The following ACTR3C variants were observed in gnomAD, a reference collection of about 807,000 sequenced individuals.
ACTR3C encodes actin-related protein 3C.
In ACTR3C, 18 loss-of-function variants were observed where a neutral mutation model predicts 26.3. The observed-to-expected ratio is 0.68, with a 90% CI of 0.47 to 1.01. The LOEUF (loss-of-function observed/expected upper bound fraction) is 1.01. Ranked by LOEUF, ACTR3C falls within the 50% of genes least tolerant of loss-of-function variation. The probability of loss-of-function intolerance (pLI) is 0.00; values close to 1 mark genes in which losing one functional copy is unlikely to be tolerated. For synonymous variants in ACTR3C, 55 were observed against 94.5 expected (o/e 0.58, Z 2.42); for missense variants, 184 against 250.7 (o/e 0.73, Z 1.80).
At chr7:150,158,372 C>A in the ACTR3C span, among the ~76,000 whole-genome samples, 18 of 152,026 alleles carry the variant, frequency 1.2e-4, no homozygotes, top group African/African-American at 4.4e-4. Flanking sequence ...AAAATGAAAT[C>A]ATTATCTCAA....
the ACTR3C span, among the ~76,000 whole-genome samples, chr7:149,945,136 G>T: frequency 6.6e-6 from 1 of 152,032 alleles, no homozygotes; most frequent in African/African-American, 2.4e-5. Flanking sequence ...GGAGCATGAT[G>T]TTAATAGGAG....
the ACTR3C span, among the ~76,000 whole-genome samples, chr7:150,199,093 G>A: frequency 6.8e-6 from 1 of 148,016 alleles, no homozygotes; most frequent in Non-Finnish European, 1.5e-5. Context: ...CCGCCCCCCC[G>A]TCTGGGAGGT....
chr7:150,312,588 C>T (rs1473185631), intron 1 of ACTR3C, among the ~76,000 whole-genome samples: 2 of 152,110 alleles, frequency 1.3e-5, no homozygotes, highest in Non-Finnish European at 2.9e-5. Flanking sequence ...ATTCCAAACT[C>T]AAAAATATGC....
the ACTR3C span, among the ~76,000 whole-genome samples, chr7:150,150,664 A>T: frequency 1.4e-5 from 2 of 139,008 alleles, 1 homozygote; most frequent in Non-Finnish European, 3.2e-5. Flanking sequence ...GTGTCGTATA[A>T]ACATAGTTCC....
At chr7:150,044,555 G>C in the ACTR3C span, among the ~76,000 whole-genome samples, 1 of 152,190 alleles carries the variant, frequency 6.6e-6, no homozygotes, top group Admixed American at 6.5e-5. Context: ...TGCCTGTGTA[G>C]TTTGTGCATT....
the ACTR3C span, chr7:150,004,561 A>C: frequency 1.3e-5 from 2 of 152,188 alleles, no homozygotes; most frequent in Non-Finnish European, 2.9e-5. Flanking sequence ...ATATAGTCCG[A>C]AAAAATCGCC....
chr7:150,284,676 A>C, intron 6 of ACTR3C, 77 bp downstream of exon 6: 1 of 1,198,532 alleles, frequency 8.3e-7, no homozygotes, highest in Non-Finnish European at 1.1e-6. Flanking sequence ...AGTAATAGAC[A>C]GTAATACCGT....
At chr7:150,099,732 C>T in the ACTR3C span, among the ~76,000 whole-genome samples, 3 of 151,528 alleles carry the variant, frequency 2.0e-5, no homozygotes, top group Admixed American at 6.6e-5. Context: ...TTATCCTCGC[C>T]CTTAGGGTGG....
At chr7:150,078,601 G>C in the ACTR3C span, among the ~76,000 whole-genome samples, 2 of 151,526 alleles carry the variant, frequency 1.3e-5, no homozygotes, top group African/African-American at 4.9e-5. Context: ...CCCATTGAGA[G>C]GGGGAGTTGA....
intron 6 of ACTR3C, among the ~76,000 whole-genome samples, chr7:150,267,705 T>A (rs1401527832): frequency 6.6e-6 from 1 of 152,200 alleles, no homozygotes; most frequent in Non-Finnish European, 1.5e-5. Context: ...ACAGAGGGTG[T>A]GGTACCATCT....
chr7:149,986,416 C>A, the ACTR3C span, among the ~76,000 whole-genome samples: 15 of 152,204 alleles, frequency 9.9e-5, no homozygotes, highest in African/African-American at 2.9e-4. Context: ...TGTGTATTCA[C>A]CGCGAGGTAA....
the ACTR3C span, among the ~76,000 whole-genome samples, chr7:150,055,763 T>G: frequency 9.9e-5 from 15 of 152,284 alleles, no homozygotes; most frequent in African/African-American, 3.4e-4. Context: ...CCAGAACATA[T>G]GCAGTTTGGC....
the ACTR3C span, among the ~76,000 whole-genome samples, chr7:150,203,871 C>A: frequency 2.6e-5 from 4 of 152,084 alleles, no homozygotes; most frequent in African/African-American, 9.7e-5. Context: ...CACACCCGGC[C>A]CGGGCACCAA....
chr7:150,280,362 C>G (rs1281508234), intron 6 of ACTR3C, among the ~76,000 whole-genome samples: 1 of 152,112 alleles, frequency 6.6e-6, no homozygotes, highest in African/African-American at 2.4e-5. Context: ...GTGTAAATAC[C>G]CTTCTCATCT....
At chr7:150,258,642 T>C (rs1833407443) in intron 6 of ACTR3C, among the ~76,000 whole-genome samples, 1 of 152,324 alleles carries the variant, frequency 6.6e-6, no homozygotes, top group South Asian at 2.1e-4. Flanking sequence ...ACTGTCATCA[T>C]GGAGAAAGGC....
rs1188365218 is a variant in ACTR3C, at chr7:150,274,869, A to G, written c.564+9884T>C. 1.3e-5 allele frequency among the ~76,000 whole-genome samples: 2 copies of G among 152,248 alleles called. No individual in the cohort carries two copies. Among genetic ancestry groups the G allele is most frequent in the African/African-American group, 4.8e-5 (2 of 41,472 alleles). On this transcript the variant is annotated intron_variant, in intron 6 of 7. Coordinates refer to ENST00000683684, the MANE Select transcript of ACTR3C (RefSeq NM_001164458.2). This position sits in a 1 kb window ranked among gnomAD's most constrained non-coding sequence, Gnocchi z 4.1. ...AGTGATCCCTTATCACTTTTGATAC[A>G]GTGTGAGAAATCAGCAGATCTCCTG...
chr7:150,083,306 C>A, the ACTR3C span, among the ~76,000 whole-genome samples: 1 of 151,888 alleles, frequency 6.6e-6, no homozygotes. Flanking sequence ...TGGCTCACAT[C>A]TGTAATCCCA....
chr7:149,913,353 C>T, the ACTR3C span, among the ~76,000 whole-genome samples: 1 of 152,204 alleles, frequency 6.6e-6, no homozygotes, highest in Non-Finnish European at 1.5e-5. Context: ...AACAATGTAG[C>T]AGGCACTGTA....
chr7:150,151,696 T>C, the ACTR3C span, among the ~76,000 whole-genome samples: 2 of 104,296 alleles, frequency 1.9e-5, no homozygotes, highest in Admixed American at 2.5e-4. Context: ...TGAGAACACA[T>C]GGACACAGGA....
Sources: allele counts gnomAD v4.1 joint callset (sites outside exome capture counted in the v4.1 genomes callset), GRCh38; gene constraint gnomAD v4.1.1; non-coding constraint Gnocchi (gnomAD v3.1); transcripts MANE v1.5; gene names NCBI Gene and HGNC (gene_info 2026-07-23, HGNC 2026-07-21).